The following KCNIP4 variants were observed in gnomAD, a reference collection of about 807,000 sequenced individuals.
The protein encoded by KCNIP4 is potassium voltage-gated channel interacting protein 4.
KCNIP4 carries 12 observed loss-of-function variants against 34.0 expected under a neutral mutation model. That is an observed-to-expected ratio of 0.35 (90% CI 0.23 to 0.57). KCNIP4 has a LOEUF of 0.57. Among genes scored for constraint, KCNIP4 ranks in the 20% least tolerant of loss-of-function variants. The pLI is 0.83. For missense variants in KCNIP4, 238 were observed against 311.7 expected, an observed-to-expected ratio of 0.76 and a Z score of 1.78; for synonymous variants, 124 against 102.2, an observed-to-expected ratio of 1.21 and a Z score of -1.29.
chr4:20,856,861 C>A (rs1218386095), intron 2 of KCNIP4, among the ~76,000 whole-genome samples: 3 of 152,046 alleles, frequency 2.0e-5, no homozygotes, highest in South Asian at 2.1e-4. Context: ...ACCTAGTGAC[C>A]CTCACATGGG....
intron 1 of KCNIP4, among the ~76,000 whole-genome samples, chr4:21,901,472 C>A (rs1028268330): frequency 6.6e-6 from 1 of 152,128 alleles, no homozygotes; most frequent in African/African-American, 2.4e-5. Flanking sequence ...TAAACAATAT[C>A]TATTGTGTGC....
In KCNIP4 at chr4:21,716,912, C is replaced by A. The variant is rs184679868; in HGVS notation, c.61+231659G>T. 1.3e-4 allele frequency among the ~76,000 whole-genome samples: 20 copies of A among 152,252 alleles called. No individual in the cohort carries two copies. The East Asian group carries it at 3.5e-3, about 27-fold the overall frequency. On this transcript the variant is annotated intron_variant, in intron 1 of 8. Transcript: ENST00000382152. Reference sequence around the variant, plus strand: ...AATACAGAAGCCACTTCTCTCCATACCCAGGTAGACGGAAAGAATCAAGTT... The same window carrying A: ...AATACAGAAGCCACTTCTCTCCATAACCAGGTAGACGGAAAGAATCAAGTT...
chr4:20,992,674 G>A (rs2149707670), intron 1 of KCNIP4, among the ~76,000 whole-genome samples: 1 of 152,042 alleles, frequency 6.6e-6, no homozygotes, highest in South Asian at 2.1e-4. Flanking sequence ...CAATGACTTG[G>A]AAATCCCCTT....
intron 6 of KCNIP4, 33 bp from the exon 7 acceptor site, chr4:20,732,818 A>G (rs1342675294): frequency 7.8e-7 from 1 of 1,275,704 alleles, no homozygotes; most frequent in Non-Finnish European, 1.1e-6. Context: ...GTGAGGCTGC[A>G]CACATGTATG....
chr4:20,837,695 T>C (rs998536748), intron 3 of KCNIP4, among the ~76,000 whole-genome samples: 4 of 147,508 alleles, frequency 2.7e-5, no homozygotes, highest in African/African-American at 7.5e-5. Flanking sequence ...TATTTTTTTT[T>C]CCTTGGAGAT....
intron 1 of KCNIP4, among the ~76,000 whole-genome samples, chr4:21,720,530 C>CTTTTTTTTTTTTTTT (rs71191598): frequency 7.1e-6 from 1 of 140,336 alleles, no homozygotes; most frequent in Non-Finnish European, 1.6e-5. Context: ...TGTTTTTTTT[C>CTTTTTTTTTTTTTTT]TTTTTTTTTT....
At chr4:21,875,199 G>T (rs1011878705) in intron 1 of KCNIP4, among the ~76,000 whole-genome samples, 17 of 152,236 alleles carry the variant, frequency 1.1e-4, no homozygotes, top group African/African-American at 4.1e-4. Flanking sequence ...GCAGACTTGG[G>T]TCTGTCTGAT....
At chr4:21,148,300 C>T (rs1006022275) in intron 1 of KCNIP4, among the ~76,000 whole-genome samples, 2 of 152,062 alleles carry the variant, frequency 1.3e-5, no homozygotes, top group African/African-American at 4.8e-5. Flanking sequence ...GAACAAAAAA[C>T]AGAGGATGCT....
chr4:20,842,792 G>C (rs1560507233), intron 3 of KCNIP4, among the ~76,000 whole-genome samples: 1 of 152,108 alleles, frequency 6.6e-6, no homozygotes, highest in Non-Finnish European at 1.5e-5. Flanking sequence ...CAGGGCAGTG[G>C]AGAGGGAAAG....
At position 21,923,379 on chromosome 4, in the gene KCNIP4, C is replaced by T. The variant is rs139963076; in HGVS notation, c.61+25192G>A. Among the ~76,000 whole-genome samples the T allele has an allele frequency of 2.7e-3, 411 of 152,176 alleles. 2 individuals are homozygous for T. The highest frequency in any genetic ancestry group is 0.014 in the Middle Eastern group (4 of 294). ...GATGGATCATCTGAGGTCAGGAGTT[C>T]GAGACCAGCCTGGCCAACAGGGTAA... On this transcript the variant is annotated intron_variant, in intron 1 of 8. Transcript: ENST00000382152.
chr4:21,629,023 G>A (rs1037373690), intron 1 of KCNIP4, among the ~76,000 whole-genome samples: 86 of 152,104 alleles, frequency 5.7e-4, no homozygotes, highest in Non-Finnish European at 1.1e-3. Context: ...TAATAAAATT[G>A]CATTTTCTCC....
intron 1 of KCNIP4, among the ~76,000 whole-genome samples, chr4:21,901,721 C>A (rs1727713120): frequency 6.6e-6 from 1 of 152,116 alleles, no homozygotes; most frequent in Admixed American, 6.6e-5. Context: ...ACTACGCATT[C>A]TTTAATATTG....
At chr4:21,317,773 T>G (rs1370275796) in intron 1 of KCNIP4, among the ~76,000 whole-genome samples, 1 of 152,106 alleles carries the variant, frequency 6.6e-6, no homozygotes, top group Non-Finnish European at 1.5e-5. Flanking sequence ...CAGGAGCAGG[T>G]CTTTCCCATG....
At chr4:21,021,136 C>G (rs1739999126) in intron 1 of KCNIP4, among the ~76,000 whole-genome samples, 1 of 152,162 alleles carries the variant, frequency 6.6e-6, no homozygotes, top group African/African-American at 2.4e-5. Flanking sequence ...GTATTGAATA[C>G]TATAGGCAAC....
intron 1 of KCNIP4, among the ~76,000 whole-genome samples, chr4:21,727,526 A>G (rs1033773445): frequency 2.0e-5 from 3 of 152,060 alleles, no homozygotes; most frequent in Admixed American, 2.0e-4. Context: ...ACAATACCCT[A>G]CATTTAAAAT....
intron 1 of KCNIP4, among the ~76,000 whole-genome samples, chr4:21,431,148 G>C (rs749661047): frequency 6.6e-6 from 1 of 151,532 alleles, no homozygotes; most frequent in African/African-American, 2.4e-5. Flanking sequence ...CGAAGGAGAA[G>C]GGCAAGGATA....
At chr4:20,872,143 A>T (rs952512482) in intron 2 of KCNIP4, among the ~76,000 whole-genome samples, 1 of 152,126 alleles carries the variant, frequency 6.6e-6, no homozygotes, top group Non-Finnish European at 1.5e-5. Context: ...AATAAATGTG[A>T]TTTTTAATAT....
chr4:20,759,012 C>T, intron 3 of KCNIP4, 122 bp from the exon 4 acceptor site: 2 of 690,564 alleles, frequency 2.9e-6, no homozygotes, highest in South Asian at 1.9e-5. Flanking sequence ...ACCATTCATC[C>T]ATTATTACAA....
chr4:21,906,857 C>T (rs1024247071), intron 1 of KCNIP4, among the ~76,000 whole-genome samples: 2 of 152,064 alleles, frequency 1.3e-5, no homozygotes, highest in African/African-American at 4.8e-5. Context: ...AAAACAGTAT[C>T]ATTTAGAATA....
Sources: allele counts gnomAD v4.1 joint callset (sites outside exome capture counted in the v4.1 genomes callset), GRCh38; gene constraint gnomAD v4.1.1; transcripts MANE v1.5; gene names NCBI Gene and HGNC (gene_info 2026-07-23, HGNC 2026-07-21).